Variants in ETNK1 observed in about 807,000 individuals in gnomAD.
ETNK1 encodes the protein putative protein product of Nbla10396.
Under a neutral mutation model 45.1 loss-of-function variants are expected in ETNK1, and 8 were observed. That is an observed-to-expected ratio of 0.18 (90% CI 0.10 to 0.32). The LOEUF (loss-of-function observed/expected upper bound fraction) is 0.32, where lower values mean the gene tolerates loss of function less well. Ranked by LOEUF, ETNK1 falls within the 10% of genes least tolerant of loss-of-function variation. The probability of loss-of-function intolerance (pLI) is 1.00; values close to 1 mark genes in which losing one functional copy is unlikely to be tolerated. For synonymous variants in ETNK1, 152 were observed against 151.9 expected, an observed-to-expected ratio of 1.00 and a Z score of -0.01; for missense variants, 302 against 430.6, an observed-to-expected ratio of 0.70 and a Z score of 2.64.
chr12:22,665,142 C>T (rs1954042351), intron 4 of ETNK1, among the ~76,000 whole-genome samples: 1 of 151,890 alleles, frequency 6.6e-6, no homozygotes, highest in Admixed American at 6.6e-5. Context: ...AGTTTAGATC[C>T]CTACCCAGTT....
intron 4 of ETNK1, among the ~76,000 whole-genome samples, chr12:22,670,866 G>C (rs950081545): frequency 1.3e-5 from 2 of 152,112 alleles, no homozygotes; most frequent in Non-Finnish European, 2.9e-5. Context: ...TACTGTTGGA[G>C]TATCATAAAG....
chr12:22,677,864 T>C (rs80129997), intron 6 of ETNK1, among the ~76,000 whole-genome samples: 2 of 152,184 alleles, frequency 1.3e-5, no homozygotes, highest in African/African-American at 4.8e-5. Flanking sequence ...GATTTTTTTT[T>C]CCTGAGACTT....
At chr12:22,630,948 G>A (rs985541073) in intron 1 of ETNK1, among the ~76,000 whole-genome samples, 1 of 152,082 alleles carries the variant, frequency 6.6e-6, no homozygotes, top group East Asian at 1.9e-4. Flanking sequence ...TCATGTATTA[G>A]AGAAGTGACA....
intron 2 of ETNK1, among the ~76,000 whole-genome samples, chr12:22,646,575 T>G (rs905795585): frequency 2.0e-5 from 3 of 151,872 alleles, no homozygotes; most frequent in Non-Finnish European, 4.4e-5. Context: ...AATGTTTGAA[T>G]ATAATAATAA....
Position 22,657,895 on chromosome 12 carries a change from C to T in ETNK1, c.417-1119C>T, listed in dbSNP as rs191813053. Among the ~76,000 whole-genome samples, 449 of 151,834 alleles carry T rather than the reference C, an allele frequency of 3.0e-3. 3 individuals are homozygous for T. Among genetic ancestry groups the T allele is most frequent in the African/African-American group, 9.5e-3 (394 of 41,380 alleles). On this transcript the variant is annotated intron_variant, in intron 2 of 7. Transcript: ENST00000266517. ...AATGAGATAAAAACAAGAATATTCACAATAGTATAGAAACATAATAATAAA... is the reference window on the plus strand; with the variant it reads ...AATGAGATAAAAACAAGAATATTCATAATAGTATAGAAACATAATAATAAA...
chr12:22,625,785 T>C (rs75327706), intron 1 of ETNK1, 199 bp downstream of exon 1: 2 of 810,652 alleles, frequency 2.5e-6, no homozygotes, highest in South Asian at 2.9e-5. Flanking sequence ...CTCTTTGAGA[T>C]TGACCTGAGG....
chr12:22,678,275 C>A (rs1565448809), intron 6 of ETNK1, among the ~76,000 whole-genome samples: 1 of 152,188 alleles, frequency 6.6e-6, no homozygotes, highest in Non-Finnish European at 1.5e-5. Flanking sequence ...TCAGACACTG[C>A]AATCTGCCTT....
At chr12:22,679,067 A>T (rs938938824) in intron 6 of ETNK1, among the ~76,000 whole-genome samples, 4 of 152,356 alleles carry the variant, frequency 2.6e-5, no homozygotes, top group Non-Finnish European at 5.9e-5. Flanking sequence ...GGATATATGT[A>T]TAAGTGGAAG....
At chr12:22,661,270 C>T in intron 4 of ETNK1, 65 bp downstream of exon 4, 1 of 1,375,058 alleles carries the variant, frequency 7.3e-7, no homozygotes, top group Non-Finnish European at 9.9e-7. Context: ...GTCATTTTAT[C>T]TCTATATCAA....
rs1954284977 is a variant in ETNK1 at position 22,689,331 on chromosome 12, C to G, written c.*4377C>G. On this transcript the variant is annotated 3_prime_UTR_variant, in exon 8 of 8. Coordinates refer to ENST00000266517, the MANE Select transcript of ETNK1 (RefSeq NM_018638.5). Reference sequence around the variant, plus strand: ...TCTCTCCTGAAATTTTCTTTCTCTTCTATACTTTATGCACTTACTATACTA... The same window carrying G: ...TCTCTCCTGAAATTTTCTTTCTCTTGTATACTTTATGCACTTACTATACTA... 6.6e-6 allele frequency: 1 copy of G among 151,862 alleles called. No individual in the cohort carries two copies. Among genetic ancestry groups the G allele is most frequent in the African/African-American group, 2.4e-5 (1 of 41,420 alleles). The allele number at this position is 151,862 out of a possible 1,614,324, so 9.4% of individuals were successfully genotyped here.
intron 6 of ETNK1, among the ~76,000 whole-genome samples, chr12:22,678,711 T>C (rs757389821): frequency 5.9e-5 from 9 of 152,240 alleles, no homozygotes; most frequent in Non-Finnish European, 1.0e-4. Flanking sequence ...ATTAGTTTCT[T>C]GGGCTTGACC....
chr12:22,664,257 T>C (rs1168770589), intron 4 of ETNK1, among the ~76,000 whole-genome samples: 1 of 152,006 alleles, frequency 6.6e-6, no homozygotes, highest in Non-Finnish European at 1.5e-5. Context: ...AATAATATAA[T>C]ATGCATATAA....
At chr12:22,640,550 A>G (rs578117741) in intron 1 of ETNK1, among the ~76,000 whole-genome samples, 5 of 152,152 alleles carry the variant, frequency 3.3e-5, no homozygotes, top group Non-Finnish European at 5.9e-5. Context: ...TTATTATTTT[A>G]TAATTTCATC....
chr12:22,646,728 A>G (rs1408367012), intron 2 of ETNK1, among the ~76,000 whole-genome samples: 1 of 151,846 alleles, frequency 6.6e-6, no homozygotes, highest in Non-Finnish European at 1.5e-5. Context: ...CCATAGCTGT[A>G]TGCTTATATT....
chr12:22,654,877 A>G (rs1460627333), intron 2 of ETNK1, among the ~76,000 whole-genome samples: 1 of 152,230 alleles, frequency 6.6e-6, no homozygotes, highest in African/African-American at 2.4e-5. Flanking sequence ...ATTGTATTTG[A>G]TACATTTTTA....
chr12:22,655,366 C>T (rs1478166838), intron 2 of ETNK1, among the ~76,000 whole-genome samples: 3 of 136,620 alleles, frequency 2.2e-5, no homozygotes, highest in Admixed American at 8.0e-5. Flanking sequence ...GACGGAGTCT[C>T]GCTCTTGTTG....
At chr12:22,649,727 T>C (rs1216143772) in intron 2 of ETNK1, among the ~76,000 whole-genome samples, 1 of 152,130 alleles carries the variant, frequency 6.6e-6, no homozygotes, top group African/African-American at 2.4e-5. Context: ...ACTTTAGTTT[T>C]TACATTTTAA....
chr12:22,655,227 C>T (rs1217697371), intron 2 of ETNK1, among the ~76,000 whole-genome samples: 1 of 152,074 alleles, frequency 6.6e-6, no homozygotes, highest in Non-Finnish European at 1.5e-5. Flanking sequence ...CTTGGCCTCC[C>T]AAAGTGTTGG....
At chr12:22,635,653 A>G (rs998357967) in intron 1 of ETNK1, among the ~76,000 whole-genome samples, 3 of 152,194 alleles carry the variant, frequency 2.0e-5, no homozygotes, top group East Asian at 3.9e-4. Flanking sequence ...CTCATTTTAC[A>G]TATGTATTTG....
Sources: allele counts gnomAD v4.1 joint callset (sites outside exome capture counted in the v4.1 genomes callset), GRCh38; gene constraint gnomAD v4.1.1; transcripts MANE v1.5; gene names NCBI Gene and HGNC (gene_info 2026-07-23, HGNC 2026-07-21).